The following IL4R variants were observed in gnomAD, a reference collection of about 807,000 sequenced individuals.
The protein encoded by IL4R is interleukin-4 receptor subunit alpha.
Under a neutral mutation model 41.5 loss-of-function variants are expected in IL4R, and 17 were observed. The ratio of observed to expected loss-of-function variants is 0.41; its 90% CI spans 0.28 to 0.61. The LOEUF (loss-of-function observed/expected upper bound fraction) is 0.61, where lower values mean the gene tolerates loss of function less well. Ranked by LOEUF, IL4R falls within the 20% of genes least tolerant of loss-of-function variation. The pLI, the probability that IL4R is intolerant of heterozygous loss-of-function variation, is 0.31. For synonymous variants in IL4R, 402 were observed against 422.9 expected (o/e 0.95, Z 0.61); for missense variants, 974 against 1,043.1 (o/e 0.93, Z 0.91).
At chr16:27,350,937 C>T (rs889481896) in intron 6 of IL4R, among the ~76,000 whole-genome samples, 4 of 152,146 alleles carry the variant, frequency 2.6e-5, no homozygotes, top group Admixed American at 6.5e-5. Flanking sequence ...GTTCAGTCAT[C>T]GCTGTCTTAG....
At chr16:27,342,954 A>G (rs898987358) in intron 4 of IL4R, among the ~76,000 whole-genome samples, 3 of 152,244 alleles carry the variant, frequency 2.0e-5, no homozygotes, top group African/African-American at 7.2e-5. Flanking sequence ...TATGATGAAA[A>G]GAGTTTTACC....
At position 27,363,059 on chromosome 16, in the gene IL4R, G is replaced by A. The variant is rs772301576; in HGVS notation, c.1707G>A (p.Ser569=). Residue 569 remains serine (S), a synonymous_variant, in exon 11 of 11, where the codon TCG becomes TCA. Coordinates refer to ENST00000395762, the MANE Select transcript of IL4R (RefSeq NM_000418.4). The part of the protein sequence containing the change: ...LQHGAAAAPV[S]APTSGYQEFV... The stretch of plus-strand genomic sequence containing the variant: ...ATGGGGCAGCTGCAGCCCCCGTCTC[G>A]GCCCCCACCAGTGGCTATCAGGAGT... The A allele has an allele frequency of 5.6e-6, 9 of 1,613,966 alleles. No individual in the cohort carries two copies. Among genetic ancestry groups the A allele is most frequent in the Admixed American group, 1.7e-5 (1 of 60,002 alleles).
At position 27,352,696 on chromosome 16, in the gene IL4R, T is replaced by G; in HGVS notation, c.670T>G (p.Ser224Ala). ...GAGCCCCAGCACCAAGTGGCACAAC[T>G]GTGAGTATCAAGAGGCCTAAGCAAT... is the stretch of plus-strand genomic sequence containing the variant. ...EWSPSTKWHNSYREPFEQHLL... is the reference protein window; with the variant it reads ...EWSPSTKWHNAYREPFEQHLL... Residue 224 changes from serine (S) to alanine (A), a missense_variant and splice_region_variant, in exon 7 of 11, where the codon TCC becomes GCC. This residue lies in a region of IL4R where 284 missense variants were observed against 313.4 expected (regional missense o/e 0.91). Coordinates refer to ENST00000395762, the MANE Select transcript of IL4R (RefSeq NM_000418.4). 6.2e-7 allele frequency: 1 copy of G among 1,614,056 alleles called. No homozygotes were observed. Among genetic ancestry groups the G allele is most frequent in the Non-Finnish European group, 8.5e-7 (1 of 1,179,958 alleles).
At position 27,355,839 on chromosome 16, in the gene IL4R, G is replaced by T. The variant is rs770208544; in HGVS notation, c.702G>T (p.Leu234=). 2 of 1,613,660 alleles carry T rather than the reference G, an allele frequency of 1.2e-6. No individual in the cohort carries two copies. Among genetic ancestry groups the T allele is most frequent in the Non-Finnish European group, 1.7e-6 (2 of 1,179,934 alleles). Residue 234 remains leucine, a synonymous_variant, in exon 8 of 11, where the codon CTG becomes CTT. Transcript: ENST00000395762. ...SYREPFEQHL[L]LGVSVSCIVI... is the part of the protein sequence containing the mutation. ...GGGAGCCCTTCGAGCAGCACCTCCTGCTGGGCGTCAGCGTTTCCTGCATTG... is the reference window on the plus strand; with the variant it reads ...GGGAGCCCTTCGAGCAGCACCTCCTTCTGGGCGTCAGCGTTTCCTGCATTG...
intron 7 of IL4R, among the ~76,000 whole-genome samples, chr16:27,353,156 C>A (rs371324096): frequency 4.9e-4 from 74 of 152,192 alleles, no homozygotes; most frequent in Admixed American, 1.8e-3. Context: ...TATAGTGAAA[C>A]CCCCATCTGT....
At chr16:27,331,947 TA>T (rs1370142117) in intron 2 of IL4R, among the ~76,000 whole-genome samples, 2 of 152,014 alleles carry the variant, frequency 1.3e-5, no homozygotes, top group Non-Finnish European at 2.9e-5. Flanking sequence ...CCCGAATCAT[TA>T]TATAGTGCCA....
At chr16:27,346,438 T>A (rs747400699) in intron 5 of IL4R, 29 bp from the exon 6 acceptor site, 1 of 1,613,378 alleles carries the variant, frequency 6.2e-7, no homozygotes, top group Non-Finnish European at 8.5e-7. Context: ...ACTGCATAGA[T>A]CCTCACATAG....
intron 6 of IL4R, among the ~76,000 whole-genome samples, chr16:27,350,852 G>A (rs2085842778): frequency 6.6e-6 from 1 of 152,200 alleles, no homozygotes; most frequent in African/African-American, 2.4e-5. Flanking sequence ...AAGGGAAAGG[G>A]AGGCAAGGTT....
chr16:27,333,886 C>T (rs1474998608), intron 2 of IL4R, among the ~76,000 whole-genome samples: 1 of 130,626 alleles, frequency 7.7e-6, no homozygotes, highest in Admixed American at 7.6e-5. Context: ...CTTCAGGAAT[C>T]TCTTTTTTTT....
At chr16:27,336,842 G>T (rs1471530848) in intron 2 of IL4R, among the ~76,000 whole-genome samples, 1 of 152,054 alleles carries the variant, frequency 6.6e-6, no homozygotes, top group Admixed American at 6.6e-5. Context: ...ACTTTGGGAG[G>T]CTGAGGCAGG....
At chr16:27,344,000 C>T (rs2085529841) in intron 4 of IL4R, among the ~76,000 whole-genome samples, 1 of 152,002 alleles carries the variant, frequency 6.6e-6, no homozygotes, top group African/African-American at 2.4e-5. Context: ...TGAGGCTTGC[C>T]ATCAAAATTG....
rs1805015 is a variant in IL4R at position 27,362,859 on chromosome 16, T to C, written c.1507T>C (p.Ser503Pro). The change falls in exon 11 of 11, where the codon TCC (serine) becomes CCC (proline). Residue 503 changes from serine (S) to proline (P), a missense_variant. By Grantham distance (74) the Ser-to-Pro change is moderately conservative. Coordinates refer to ENST00000395762, the MANE Select transcript of IL4R (RefSeq NM_000418.4). ...GNPAYRSFSN[S>P]LSQSPCPREL... Reference sequence around the variant, plus strand: ...CCCTGCTTACCGCAGCTTCAGCAACTCCCTGAGCCAGTCACCGTGTCCCAG... The same window carrying C: ...CCCTGCTTACCGCAGCTTCAGCAACCCCCTGAGCCAGTCACCGTGTCCCAG... 0.17 allele frequency: 274,598 copies of C among 1,613,858 alleles called. 25,776 individuals carry two copies. The highest frequency in any genetic ancestry group is 0.38 in the African/African-American group (28,580 of 74,942).
At chr16:27,351,327 T>A (rs947209880) in intron 6 of IL4R, among the ~76,000 whole-genome samples, 1 of 152,166 alleles carries the variant, frequency 6.6e-6, no homozygotes, top group African/African-American at 2.4e-5. Flanking sequence ...TGTAATATAA[T>A]CACATCCATG....
At chr16:27,333,595 C>T (rs958933727) in intron 2 of IL4R, among the ~76,000 whole-genome samples, 2 of 150,376 alleles carry the variant, frequency 1.3e-5, no homozygotes, top group Non-Finnish European at 3.0e-5. Context: ...TGTGTGGATT[C>T]GGTGAGGTAA....
rs887071361 is a variant in IL4R at position 27,314,982 on chromosome 16, T to A, written c.-152+962T>A. Among the ~76,000 whole-genome samples the A allele has an allele frequency of 2.6e-5, 4 of 152,064 alleles. No homozygotes were observed. The East Asian group carries it at 5.8e-4, about 22-fold the overall frequency. ...AGCCACTGAGCCCTGATTTTTTTTT[T>A]AAACAAAATCTGGATTTCTTAGACT... On this transcript the variant is annotated intron_variant, in intron 1 of 10. Transcript: ENST00000395762.
intron 6 of IL4R, among the ~76,000 whole-genome samples, chr16:27,347,319 C>T (rs1337109841): frequency 3.9e-5 from 6 of 152,122 alleles, no homozygotes; most frequent in African/African-American, 7.2e-5. Context: ...GCCTCCTGAG[C>T]AGCCGGGACT....
chr16:27,314,099 C>T, intron 1 of IL4R, 79 bp downstream of exon 1: 2 of 985,104 alleles, frequency 2.0e-6, no homozygotes, highest in Non-Finnish European at 2.4e-6. Context: ...TCGGGAAGGG[C>T]TCGGCCGCCG....
At chr16:27,325,546 C>T (rs2084933614) in intron 1 of IL4R, among the ~76,000 whole-genome samples, 3 of 151,530 alleles carry the variant, frequency 2.0e-5, no homozygotes, top group Admixed American at 2.0e-4. Flanking sequence ...TGCACTCCAG[C>T]CTGGACTACA....
In IL4R at chr16:27,355,894, G is replaced by A; in HGVS notation, c.757G>A (p.Val253Ile). Residue 253 changes from valine to isoleucine, a missense_variant, in exon 8 of 11, where the codon GTC (valine) becomes ATC (isoleucine). By Grantham distance (29) the Val-to-Ile change is conservative. Coordinates refer to ENST00000395762, the MANE Select transcript of IL4R (RefSeq NM_000418.4). ...CCTGGCCGTCTGCCTGTTGTGCTAT[G>A]TCAGCATCACCAAGTGAGTCCTGGG... ...VILAVCLLCY[V>I]SITKIKKEWW... The A allele has an allele frequency of 1.2e-6, 2 of 1,612,816 alleles. No individual in the cohort carries two copies. The highest frequency in any genetic ancestry group is 1.7e-6 in the Non-Finnish European group (2 of 1,179,368).
Sources: allele counts gnomAD v4.1 joint callset (sites outside exome capture counted in the v4.1 genomes callset), GRCh38; gene constraint gnomAD v4.1.1; regional missense constraint gnomAD v4.1.1; transcripts MANE v1.5; gene names NCBI Gene and HGNC (gene_info 2026-07-23, HGNC 2026-07-21).